Variants in ZNF716 observed in about 807,000 individuals in gnomAD.
ZNF716 encodes zinc finger protein 716.
In ZNF716, 9 loss-of-function variants were observed where a neutral mutation model predicts 13.4. The ratio of observed to expected loss-of-function variants is 0.67; its 90% CI spans 0.41 to 1.18. ZNF716 has a LOEUF of 1.18. Ranked by LOEUF, ZNF716 falls within the 50% of genes most tolerant of loss-of-function variation. The pLI, the probability that ZNF716 is intolerant of heterozygous loss-of-function variation, is 0.01. For synonymous variants in ZNF716, 186 were observed against 195.2 expected (o/e 0.95, Z 0.39); for missense variants, 581 against 576.6 (o/e 1.01, Z -0.08).
At chr7:57,456,544 G>C (rs1255602038) in intron 1 of ZNF716, among the ~76,000 whole-genome samples, 1 of 151,962 alleles carries the variant, frequency 6.6e-6, no homozygotes, top group Non-Finnish European at 1.5e-5. Context: ...GTGCCAGCCT[G>C]GCCAACATGG....
Position 57,462,542 on chromosome 7 carries a change from A to T in ZNF716, c.122A>T (p.Tyr41Phe), listed in dbSNP as rs782011116. 3 of 1,613,650 alleles carry T rather than the reference A, an allele frequency of 1.9e-6. No individual in the cohort carries two copies. In the East Asian group the frequency reaches 6.7e-5, roughly 36 times the overall value. ...QCLDHAQQNLYRDVMLENYRN... is the reference protein window; with the variant it reads ...QCLDHAQQNLFRDVMLENYRN... ...CTGGATCATGCTCAGCAGAATTTAT[A>T]TAGAGATGTGATGTTAGAGAACTAC... Residue 41 changes from tyrosine to phenylalanine, a missense_variant, in exon 2 of 4, where the codon TAT becomes TTT. Tyr to Phe is a conservative substitution (Grantham distance 22). Coordinates refer to ENST00000420713, the MANE Select transcript of ZNF716 (RefSeq NM_001159279.1).
intron 1 of ZNF716, among the ~76,000 whole-genome samples, chr7:57,461,819 G>A (rs1789712029): frequency 6.6e-6 from 1 of 152,074 alleles, no homozygotes; most frequent in Non-Finnish European, 1.5e-5. Flanking sequence ...TTCTACCTGA[G>A]AAATATAAAT....
chr7:57,470,712 A>G lies in ZNF716; in HGVS notation c.*763A>G, dbSNP rs1310797747. The G allele has an allele frequency of 1.6e-5, 1 of 62,578 alleles. No homozygotes were observed. Among genetic ancestry groups the G allele is most frequent in the Non-Finnish European group, 3.1e-5 (1 of 32,228 alleles). 3.9% of individuals were successfully genotyped at this position (62,578 alleles called of 1,614,324 possible). ...AATTGATACTGGAGAGAACCCCTGCAATTGTAAAAAAAAAAAAAAATGTGG... is the reference window on the plus strand; with the variant it reads ...AATTGATACTGGAGAGAACCCCTGCGATTGTAAAAAAAAAAAAAAATGTGG... On this transcript the variant is annotated 3_prime_UTR_variant, in exon 4 of 4. Coordinates refer to ENST00000420713, the MANE Select transcript of ZNF716 (RefSeq NM_001159279.1).
chr7:57,453,869 G>C (rs1473986583), intron 1 of ZNF716, among the ~76,000 whole-genome samples: 1 of 152,276 alleles, frequency 6.6e-6, no homozygotes. Context: ...CCGAGTCTTT[G>C]TCACCCAGGC....
In ZNF716 at chr7:57,464,295, A is replaced by G. The variant is rs186510457; in HGVS notation, c.262+1127A>G. The stretch of plus-strand genomic sequence containing the variant: ...TGCCACCATGTGCAGCTAATTTTGT[A>G]TTTTTTGTAGAGATGGAGTTTCGCC... On this transcript the variant is annotated intron_variant, in intron 3 of 3. Transcript: ENST00000420713. Among the ~76,000 whole-genome samples the G allele has an allele frequency of 4.5e-3, 688 of 151,564 alleles. 1 individual carries two copies. Among genetic ancestry groups the G allele is most frequent in the Non-Finnish European group, 7.7e-3 (520 of 67,872 alleles).
Position 57,468,713 on chromosome 7 carries a change from A to G in ZNF716, c.263-11A>G, listed in dbSNP as rs1554324493. ...GTAAGTGGAGAAACTTGTGATTTTTATGTCTTTCAGTTACATGTTCTCATT... is the reference window on the plus strand; with the variant it reads ...GTAAGTGGAGAAACTTGTGATTTTTGTGTCTTTCAGTTACATGTTCTCATT... On this transcript the variant is annotated splice_polypyrimidine_tract_variant and intron_variant, in intron 3 of 3. Coordinates refer to ENST00000420713, the MANE Select transcript of ZNF716 (RefSeq NM_001159279.1). The G allele has an allele frequency of 3.2e-6, 5 of 1,586,782 alleles. No homozygotes were observed. The highest frequency in any genetic ancestry group is 1.2e-5 in the South Asian group (1 of 85,748).
intron 1 of ZNF716, among the ~76,000 whole-genome samples, chr7:57,455,717 C>T (rs1789573571): frequency 1.3e-5 from 2 of 152,116 alleles, no homozygotes; most frequent in African/African-American, 4.8e-5. Flanking sequence ...AGGATTTCAC[C>T]ATGTTGGCCA....
Position 57,462,429 on chromosome 7 carries a change from T to G in ZNF716, c.40-31T>G, listed in dbSNP as rs782439711. The G allele has an allele frequency of 8.8e-5, 141 of 1,599,428 alleles. 2 individuals carry two copies. The Middle Eastern group carries it at 1.3e-3, about 15-fold the overall frequency. On this transcript the variant is annotated intron_variant, in intron 1 of 3. Coordinates refer to ENST00000420713, the MANE Select transcript of ZNF716 (RefSeq NM_001159279.1). ...GTAACTGTTTGTGTGTTCATGAGTGTTTTTTTTGTTTGTTTATTTTTTGTT... is the reference window on the plus strand; with the variant it reads ...GTAACTGTTTGTGTGTTCATGAGTGGTTTTTTTGTTTGTTTATTTTTTGTT...
At chr7:57,455,380 T>C (rs782118130) in intron 1 of ZNF716, among the ~76,000 whole-genome samples, 2 of 152,222 alleles carry the variant, frequency 1.3e-5, no homozygotes, top group East Asian at 3.8e-4. Flanking sequence ...CTGATTCTTT[T>C]ATAAGAAAGA....
intron 1 of ZNF716, among the ~76,000 whole-genome samples, chr7:57,458,835 A>G (rs551071533): frequency 4.5e-4 from 68 of 152,288 alleles, no homozygotes; most frequent in African/African-American, 1.6e-3. Flanking sequence ...TGATCTTTGA[A>G]GTTGATTTGC....
chr7:57,450,966 C>T (rs1554321440), intron 1 of ZNF716, among the ~76,000 whole-genome samples: 1 of 152,008 alleles, frequency 6.6e-6, no homozygotes, highest in African/African-American at 2.4e-5. Context: ...GATTAATTGG[C>T]AGTCTGTGGT....
At chr7:57,462,384 T>C in intron 1 of ZNF716, 76 bp from the exon 2 acceptor site, 1 of 1,527,460 alleles carries the variant, frequency 6.5e-7, no homozygotes, top group Non-Finnish European at 8.9e-7. Context: ...CAAATAAAAA[T>C]CTCTGCCTAT....
At chr7:57,455,104 C>T (rs1241214620) in intron 1 of ZNF716, among the ~76,000 whole-genome samples, 3 of 151,682 alleles carry the variant, frequency 2.0e-5, no homozygotes, top group African/African-American at 7.3e-5. Context: ...AATGTATAGG[C>T]AGACAAGGAC....
chr7:57,452,562 C>T (rs1789515827), intron 1 of ZNF716, among the ~76,000 whole-genome samples: 1 of 152,060 alleles, frequency 6.6e-6, no homozygotes. Context: ...TGCTTGCACC[C>T]AGGAGACGGA....
intron 3 of ZNF716, among the ~76,000 whole-genome samples, chr7:57,465,634 G>A (rs1390577136): frequency 9.2e-5 from 14 of 152,184 alleles, no homozygotes; most frequent in Non-Finnish European, 1.2e-4. Context: ...ACACCTGTGA[G>A]CCACTGCACC....
At position 57,468,720 on chromosome 7, in the gene ZNF716, T is replaced by C. The variant is rs1789856475; in HGVS notation, c.263-4T>C. 6.3e-7 allele frequency: 1 copy of C among 1,593,518 alleles called. No homozygotes were observed. The highest frequency in any genetic ancestry group is 8.5e-7 in the Non-Finnish European group (1 of 1,174,616). On this transcript the variant is annotated splice_region_variant and splice_polypyrimidine_tract_variant and intron_variant, in intron 3 of 3. Coordinates refer to ENST00000420713, the MANE Select transcript of ZNF716 (RefSeq NM_001159279.1). ...GAGAAACTTGTGATTTTTATGTCTTTCAGTTACATGTTCTCATTTCACCCA... is the reference window on the plus strand; with the variant it reads ...GAGAAACTTGTGATTTTTATGTCTTCCAGTTACATGTTCTCATTTCACCCA...
chr7:57,453,806 T>C (rs1315544005), intron 1 of ZNF716, among the ~76,000 whole-genome samples: 1 of 152,194 alleles, frequency 6.6e-6, no homozygotes, highest in Non-Finnish European at 1.5e-5. Flanking sequence ...AAAATTAATA[T>C]GTGACAGTAA....
At chr7:57,459,998 T>C (rs1374444200) in intron 1 of ZNF716, among the ~76,000 whole-genome samples, 2 of 110,756 alleles carry the variant, frequency 1.8e-5, no homozygotes, top group African/African-American at 7.3e-5. Flanking sequence ...GCAGGTTTGA[T>C]ATGTTCCAGA....
At chr7:57,458,231 A>G (rs1398461079) in intron 1 of ZNF716, among the ~76,000 whole-genome samples, 1 of 152,088 alleles carries the variant, frequency 6.6e-6, no homozygotes, top group Non-Finnish European at 1.5e-5. Flanking sequence ...AAATTGTCAA[A>G]CTGCTTTTCT....
Sources: allele counts gnomAD v4.1 joint callset (sites outside exome capture counted in the v4.1 genomes callset), GRCh38; gene constraint gnomAD v4.1.1; transcripts MANE v1.5; gene names NCBI Gene and HGNC (gene_info 2026-07-23, HGNC 2026-07-21).